The following FGF14 variants were observed in gnomAD, a reference collection of about 807,000 sequenced individuals.
FGF14 encodes the protein fibroblast growth factor homologous factor 4.
A neutral mutation model predicts 25.5 loss-of-function variants in FGF14; 5 were observed. The ratio of observed to expected loss-of-function variants is 0.20; its 90% CI spans 0.10 to 0.41. The LOEUF is 0.41. Among genes scored for constraint, FGF14 ranks in the 10% least tolerant of loss-of-function variants. FGF14 has a pLI of 1.00. For synonymous variants in FGF14, 138 were observed against 118.3 expected (o/e 1.17, Z -1.08); for missense variants, 222 against 320.1 (o/e 0.69, Z 2.34).
Position 101,719,369 on chromosome 13 carries a change from CCAT to C in FGF14, c.*3459_*3461del, listed in dbSNP as rs2139638325. The C allele has an allele frequency of 6.6e-6, 1 of 152,006 alleles. No individual in the cohort carries two copies. Among genetic ancestry groups the C allele is most frequent in the East Asian group, 1.9e-4 (1 of 5,140 alleles). The allele number at this position is 152,006 out of a possible 1,614,324, so 9.4% of individuals were successfully genotyped here. On this transcript the variant is annotated 3_prime_UTR_variant, in exon 5 of 5. Transcript: ENST00000376143. The stretch of plus-strand genomic sequence containing the variant: ...GAACTGGAGCGGGAGTCCTTTGGAC[CCAT>C]CGTGGATCTCTTTAAGCCACTGCTA...
chr13:102,139,183 C>T (rs926356314), intron 1 of FGF14, among the ~76,000 whole-genome samples: 2 of 152,006 alleles, frequency 1.3e-5, no homozygotes, highest in Non-Finnish European at 2.9e-5. Flanking sequence ...CATTGGAGCT[C>T]GGAAGAGTTT....
At chr13:102,372,839 G>T (rs1046559146) in intron 1 of FGF14, among the ~76,000 whole-genome samples, 3 of 152,000 alleles carry the variant, frequency 2.0e-5, no homozygotes, top group Non-Finnish European at 4.4e-5. Flanking sequence ...TACAACGCAG[G>T]GGCTACTGTG....
chr13:102,401,772 C>G, exon 1 of FGF14: 1 of 1,086,276 alleles, frequency 9.2e-7, no homozygotes, highest in African/African-American at 1.6e-5. Flanking sequence ...TGTTTTCGGC[C>G]AGGGTGAATG....
At position 101,916,532 on chromosome 13, in the gene FGF14, C is replaced by G; in HGVS notation, c.114G>C (p.Gly38=). 1 of 1,613,738 alleles carries G rather than the reference C, an allele frequency of 6.2e-7. No individual in the cohort carries two copies. Among genetic ancestry groups the G allele is most frequent in the South Asian group, 1.1e-5 (1 of 91,088 alleles). Residue 38 remains glycine, a synonymous_variant, in exon 1 of 5, where the codon GGG becomes GGC. Transcript: ENST00000376143. ...TATCCACCAGGTTGCCGTTGCAGAG[C>G]CCGCGGTTCTTGCTGGGGCTGCTCC... The part of the protein sequence containing the change: ...RRRSSPSKNR[G]LCNGNLVDIF...
chr13:102,302,575 C>A (rs933107320), intron 1 of FGF14, among the ~76,000 whole-genome samples: 8 of 152,144 alleles, frequency 5.3e-5, no homozygotes, highest in African/African-American at 1.7e-4. Flanking sequence ...CTGCTCACCA[C>A]CTCCACTTAG....
At chr13:101,850,436 A>T (rs1160537213) in intron 3 of FGF14, among the ~76,000 whole-genome samples, 3 of 132,510 alleles carry the variant, frequency 2.3e-5, no homozygotes, top group African/African-American at 8.4e-5. Context: ...CCTGGGAAAC[A>T]GGGCGAGACT....
intron 3 of FGF14, among the ~76,000 whole-genome samples, chr13:101,822,547 G>C (rs2042207570): frequency 6.7e-6 from 1 of 150,078 alleles, no homozygotes; most frequent in East Asian, 1.9e-4. Context: ...TAAATCTTTA[G>C]ATTAATTTGA....
At chr13:102,381,605 C>A (rs1158926013) in intron 1 of FGF14, among the ~76,000 whole-genome samples, 1 of 152,042 alleles carries the variant, frequency 6.6e-6, no homozygotes, top group Non-Finnish European at 1.5e-5. Flanking sequence ...GTTATAGCAG[C>A]CGGAATGGGC....
chr13:101,733,901 A>G (rs61965121), intron 3 of FGF14, among the ~76,000 whole-genome samples: 7,756 of 151,736 alleles, frequency 0.051, 242 homozygotes, highest in Non-Finnish European at 0.071. Context: ...AACATTTAAT[A>G]ACTAAATATC....
intron 1 of FGF14, among the ~76,000 whole-genome samples, chr13:102,041,436 G>A (rs550093264): frequency 6.6e-6 from 1 of 151,626 alleles, no homozygotes; most frequent in African/African-American, 2.4e-5. Flanking sequence ...ATTGCTATTT[G>A]TGATAAGATT....
chr13:102,106,725 T>C (rs1190079626), intron 1 of FGF14, among the ~76,000 whole-genome samples: 1 of 152,208 alleles, frequency 6.6e-6, no homozygotes, highest in Non-Finnish European at 1.5e-5. Flanking sequence ...AATATTTCTG[T>C]TTGTGTTTAT....
intron 3 of FGF14, among the ~76,000 whole-genome samples, chr13:101,764,635 C>T (rs1238440070): frequency 6.6e-6 from 1 of 152,140 alleles, no homozygotes; most frequent in Non-Finnish European, 1.5e-5. Context: ...CCTTTTGGGC[C>T]ATGTCATTCT....
intron 1 of FGF14, among the ~76,000 whole-genome samples, chr13:101,930,976 T>G: frequency 6.6e-6 from 1 of 152,310 alleles, no homozygotes; most frequent in Admixed American, 6.5e-5. Context: ...TGAGATGGCT[T>G]GTGTTTTAGC....
chr13:102,157,602 G>A (rs1054712602), intron 1 of FGF14, among the ~76,000 whole-genome samples: 1 of 152,084 alleles, frequency 6.6e-6, no homozygotes, highest in African/African-American at 2.4e-5. Flanking sequence ...GCATGGGCAA[G>A]GACTTCATGT....
At chr13:102,180,607 C>T (rs1228422891) in intron 1 of FGF14, among the ~76,000 whole-genome samples, 1 of 152,044 alleles carries the variant, frequency 6.6e-6, no homozygotes, top group Admixed American at 6.6e-5. Context: ...CCACCTCACC[C>T]GGCCAAGAGA....
intron 1 of FGF14, among the ~76,000 whole-genome samples, chr13:102,185,494 G>A (rs1043944031): frequency 4.0e-5 from 6 of 151,898 alleles, no homozygotes; most frequent in East Asian, 1.9e-4. Context: ...TTATATTCTC[G>A]TGTTTTATCT....
chr13:101,941,460 T>A (rs1379821320), intron 1 of FGF14, among the ~76,000 whole-genome samples: 1 of 152,174 alleles, frequency 6.6e-6, no homozygotes, highest in African/African-American at 2.4e-5. Context: ...AAAAGAAAAA[T>A]ACATCTTTCA....
At chr13:101,853,796 C>T (rs1368215005) in intron 3 of FGF14, among the ~76,000 whole-genome samples, 1 of 151,990 alleles carries the variant, frequency 6.6e-6, no homozygotes, top group East Asian at 1.9e-4. Flanking sequence ...ATAGCCCTCA[C>T]TACTAATCAC....
intron 1 of FGF14, among the ~76,000 whole-genome samples, chr13:101,877,171 T>C (rs946442583): frequency 6.6e-6 from 1 of 152,064 alleles, no homozygotes; most frequent in Non-Finnish European, 1.5e-5. Context: ...CGCGCCCTCA[T>C]GCTTATACAG....
Sources: allele counts gnomAD v4.1 joint callset (sites outside exome capture counted in the v4.1 genomes callset), GRCh38; gene constraint gnomAD v4.1.1; transcripts MANE v1.5; gene names NCBI Gene and HGNC (gene_info 2026-07-23, HGNC 2026-07-21).